TTC39B: variants seen among roughly 807,000 people sequenced by gnomAD.
TTC39B encodes the protein tetratricopeptide repeat domain 39B, also known as tetratricopeptide repeat protein 39B.
A neutral mutation model predicts 96.6 loss-of-function variants in TTC39B; 92 were observed. The observed-to-expected ratio is 0.95, with a 90% CI of 0.80 to 1.13. TTC39B has a LOEUF of 1.13. TTC39B is among the 50% of genes most tolerant of loss of function. The pLI, the probability that TTC39B is intolerant of heterozygous loss-of-function variation, is 0.00. For missense variants in TTC39B, 955 were observed against 809.3 expected (o/e 1.18, Z -2.18); for synonymous variants, 367 against 299.4 (o/e 1.23, Z -2.33).
chr9:15,205,884 C>A (rs1819820683), intron 6 of TTC39B, among the ~76,000 whole-genome samples: 1 of 152,070 alleles, frequency 6.6e-6, no homozygotes, highest in Non-Finnish European at 1.5e-5. Flanking sequence ...GCCAAGAGCA[C>A]CTTCAGGAAA....
chr9:15,293,384 G>T (rs527471764), intron 1 of TTC39B, among the ~76,000 whole-genome samples: 1 of 152,290 alleles, frequency 6.6e-6, no homozygotes, highest in African/African-American at 2.4e-5. Flanking sequence ...AGGTGGGCTG[G>T]TACCTGAGGG....
intron 1 of TTC39B, among the ~76,000 whole-genome samples, chr9:15,303,517 G>A (rs1403961033): frequency 3.3e-5 from 5 of 151,578 alleles, no homozygotes; most frequent in Non-Finnish European, 5.9e-5. Flanking sequence ...GACTACAGGC[G>A]GGCACCACCA....
chr9:15,187,890 C>T (rs1205649453), intron 14 of TTC39B, 81 bp downstream of exon 14: 13 of 1,408,304 alleles, frequency 9.2e-6, no homozygotes, highest in Non-Finnish European at 9.5e-6. Context: ...TATCATACTA[C>T]TGAGCAAACA....
chr9:15,186,315 G>A (rs1170378110), intron 15 of TTC39B, among the ~76,000 whole-genome samples: 1 of 149,362 alleles, frequency 6.7e-6, no homozygotes, highest in Admixed American at 6.6e-5. Context: ...GTGAGGTGGG[G>A]GTCAGAGGAA....
chr9:15,204,454 G>A (rs191595313), intron 6 of TTC39B, among the ~76,000 whole-genome samples: 132 of 152,066 alleles, frequency 8.7e-4, no homozygotes, highest in African/African-American at 2.9e-3. Flanking sequence ...ACTTGAACCC[G>A]GGAGGTGGAG....
At chr9:15,236,949 TAGCAGAAG>T (rs1821810396) in intron 2 of TTC39B, among the ~76,000 whole-genome samples, 1 of 150,556 alleles carries the variant, frequency 6.6e-6, no homozygotes, top group Non-Finnish European at 1.5e-5. Context: ...AACCCAAAGC[TAGCAGAAG>T]AAAAGAAATA....
chr9:15,247,906 C>G (rs565620534), intron 2 of TTC39B, among the ~76,000 whole-genome samples: 1 of 151,970 alleles, frequency 6.6e-6, no homozygotes, highest in Admixed American at 6.5e-5. Flanking sequence ...GGGACATAAT[C>G]CAGCAGCTTC....
At chr9:15,293,700 A>C (rs1393762121) in intron 1 of TTC39B, among the ~76,000 whole-genome samples, 1 of 152,228 alleles carries the variant, frequency 6.6e-6, no homozygotes, top group African/African-American at 2.4e-5. Flanking sequence ...TACATGTGTT[A>C]AATCAAGTTT....
intron 3 of TTC39B, among the ~76,000 whole-genome samples, chr9:15,222,334 C>A (rs1820890259): frequency 6.6e-6 from 1 of 152,188 alleles, no homozygotes; most frequent in African/African-American, 2.4e-5. Context: ...TTAAAGCACA[C>A]AGCTCGGTGG....
chr9:15,245,687 C>T (rs1462562535), intron 2 of TTC39B, among the ~76,000 whole-genome samples: 1 of 152,150 alleles, frequency 6.6e-6, no homozygotes, highest in Non-Finnish European at 1.5e-5. Flanking sequence ...TACTTTCCTG[C>T]TTTCTAAATT....
intron 1 of TTC39B, among the ~76,000 whole-genome samples, chr9:15,270,473 C>G (rs1563777579): frequency 1.3e-5 from 2 of 152,130 alleles, no homozygotes; most frequent in Admixed American, 1.3e-4. Context: ...TCCTCCTCCT[C>G]ACAAACCTCA....
chr9:15,268,540 C>T (rs1823222061), intron 1 of TTC39B, among the ~76,000 whole-genome samples: 1 of 152,148 alleles, frequency 6.6e-6, no homozygotes, highest in Admixed American at 6.5e-5. Context: ...GACACAGTGA[C>T]TCACACACAA....
chr9:15,207,775 G>A (rs1681168456), intron 6 of TTC39B, among the ~76,000 whole-genome samples: 1 of 151,548 alleles, frequency 6.6e-6, no homozygotes, highest in African/African-American at 2.4e-5. Flanking sequence ...CACAAGGTCA[G>A]GAGATTGAGA....
chr9:15,185,208 T>G, intron 16 of TTC39B, 72 bp downstream of exon 16: 1 of 1,506,258 alleles, frequency 6.6e-7, no homozygotes, highest in Non-Finnish European at 8.8e-7. Context: ...ATAACCAAAT[T>G]TAGATATGCT....
intron 1 of TTC39B, among the ~76,000 whole-genome samples, chr9:15,300,819 G>T (rs967255309): frequency 9.4e-5 from 14 of 149,416 alleles, no homozygotes; most frequent in Admixed American, 6.7e-4. Context: ...CCAGGCTGTG[G>T]GGGCAGAGGT....
At chr9:15,221,194 G>C (rs28729420) in intron 3 of TTC39B, among the ~76,000 whole-genome samples, 3,096 of 152,138 alleles carry the variant, frequency 0.02, 108 homozygotes, top group African/African-American at 0.069. Flanking sequence ...GAGTGTTCTT[G>C]TCTGTACCCA....
chr9:15,256,375 T>C (rs1250214453), intron 2 of TTC39B, among the ~76,000 whole-genome samples: 1 of 152,174 alleles, frequency 6.6e-6, no homozygotes, highest in African/African-American at 2.4e-5. Flanking sequence ...CCCAGTCTAA[T>C]GGATTTTGTT....
intron 1 of TTC39B, among the ~76,000 whole-genome samples, chr9:15,294,284 GCTCAGGAATGCTTGCACA>G (rs1824292983): frequency 6.6e-6 from 1 of 151,956 alleles, no homozygotes; most frequent in South Asian, 2.1e-4. Context: ...TCCCTCCAGG[GCTCAGGAATGCTTGCACA>G]CTCTTACTTC....
exon 20 of TTC39B, chr9:15,170,366 G>A (rs550167345): frequency 1.4e-4 from 22 of 152,212 alleles, no homozygotes; most frequent in Admixed American, 1.1e-3. Flanking sequence ...TAAGGTATTT[G>A]AATTTCTACA....
Sources: gnomAD v4.1 joint callset for allele counts (sites outside exome capture counted in the v4.1 genomes callset) on GRCh38, gnomAD v4.1.1 for gene constraint, MANE v1.5 for transcripts, NCBI Gene and HGNC (gene_info 2026-07-23, HGNC 2026-07-21) for gene names.